Variants in PPP1R12B observed in about 807,000 individuals in gnomAD.
PPP1R12B encodes myosin phosphatase target subunit 2.
A neutral mutation model predicts 126.1 loss-of-function variants in PPP1R12B; 76 were observed. The ratio of observed to expected loss-of-function variants is 0.60; its 90% CI spans 0.50 to 0.73. The LOEUF (loss-of-function observed/expected upper bound fraction) is 0.73, where lower values mean the gene tolerates loss of function less well. Ranked by LOEUF, PPP1R12B falls within the 30% of genes least tolerant of loss-of-function variation. The pLI is 0.00. For synonymous variants in PPP1R12B, 356 were observed against 434.7 expected, an observed-to-expected ratio of 0.82 and a Z score of 2.25; for missense variants, 1,052 against 1,205.1, an observed-to-expected ratio of 0.87 and a Z score of 1.88.
In PPP1R12B at chr1:202,348,707, T is replaced by C; in HGVS notation, c.-145T>C. 1.9e-6 allele frequency: 2 copies of C among 1,053,986 alleles called. No homozygotes were observed. The highest frequency in any genetic ancestry group is 1.3e-6 in the Non-Finnish European group (1 of 744,908). The allele number at this position is 1,053,986 out of a possible 1,614,324, so 65.3% of individuals were successfully genotyped here. On this transcript the variant is annotated 5_prime_UTR_variant, in exon 1 of 24. Transcript: ENST00000608999. ...CGAGGGAGCGTGCGGGCGGTACTAC[T>C]GGCGGGAGGAGTAAAGATGGCGGCG...
At chr1:202,378,929 C>T (rs1278414752) in intron 1 of PPP1R12B, among the ~76,000 whole-genome samples, 1 of 152,154 alleles carries the variant, frequency 6.6e-6, no homozygotes, top group Non-Finnish European at 1.5e-5. Flanking sequence ...CTTCTGCTCA[C>T]GATTCCTCTT....
chr1:202,393,599 G>A (rs1174732311), intron 1 of PPP1R12B, among the ~76,000 whole-genome samples: 1 of 152,012 alleles, frequency 6.6e-6, no homozygotes, highest in Non-Finnish European at 1.5e-5. Flanking sequence ...TGGCTCCTAA[G>A]TTTTATTTCT....
intron 13 of PPP1R12B, among the ~76,000 whole-genome samples, chr1:202,470,797 C>T (rs1423053759): frequency 5.9e-5 from 9 of 151,550 alleles, no homozygotes; most frequent in African/African-American, 1.9e-4. Flanking sequence ...CCCAGCTACT[C>T]AAGTGGCTGA....
intron 13 of PPP1R12B, among the ~76,000 whole-genome samples, chr1:202,455,575 C>T (rs1673525515): frequency 1.3e-5 from 2 of 152,042 alleles, no homozygotes; most frequent in South Asian, 4.1e-4. Context: ...AATAATATTC[C>T]ATCATATAGA....
intron 18 of PPP1R12B, among the ~76,000 whole-genome samples, chr1:202,512,757 T>C (rs1449527553): frequency 2.6e-5 from 4 of 152,132 alleles, no homozygotes; most frequent in Admixed American, 2.6e-4. Flanking sequence ...ATTTTCATTC[T>C]CTAGAATTCT....
chr1:202,476,340 G>A (rs1199927498), intron 13 of PPP1R12B, among the ~76,000 whole-genome samples: 18 of 151,052 alleles, frequency 1.2e-4, no homozygotes, highest in South Asian at 2.1e-4. Flanking sequence ...TATATAGTGT[G>A]TCTTTAATTA....
intron 23 of PPP1R12B, chr1:202,575,361 G>A (rs1038456224): frequency 3.5e-5 from 19 of 538,918 alleles, no homozygotes; most frequent in African/African-American, 2.8e-4. Context: ...CCTCAGCTGG[G>A]CTACCAATAT....
At chr1:202,439,248 A>G in intron 10 of PPP1R12B, 1 of 1,383,678 alleles carries the variant, frequency 7.2e-7, no homozygotes, top group East Asian at 2.3e-5. Context: ...AGACAATATC[A>G]AGGCTGTCCT....
intron 10 of PPP1R12B, among the ~76,000 whole-genome samples, chr1:202,440,184 G>A (rs913368351): frequency 6.6e-6 from 1 of 151,952 alleles, no homozygotes; most frequent in African/African-American, 2.4e-5. Flanking sequence ...GCTTTTCTCT[G>A]GGGTCACATC....
rs1387939633 is a variant in PPP1R12B, at chr1:202,588,319, CTGGGA to C, written c.*7764_*7768del. On this transcript the variant is annotated 3_prime_UTR_variant, in exon 24 of 24. Coordinates refer to ENST00000608999, the MANE Select transcript of PPP1R12B (RefSeq NM_002481.4). ...TAACTTCAGTCCACTGTAAATACAC[CTGGGA>C]TGGGGTGGGGTTGGGGTTGTTTAGG... 1.3e-5 allele frequency: 2 copies of C among 152,450 alleles called. No homozygotes were observed. The highest frequency in any genetic ancestry group is 2.9e-5 in the Non-Finnish European group (2 of 68,014). 9.4% of individuals were successfully genotyped at this position (152,450 alleles called of 1,614,324 possible).
chr1:202,359,188 A>G (rs1388501870), intron 1 of PPP1R12B, among the ~76,000 whole-genome samples: 2 of 151,788 alleles, frequency 1.3e-5, no homozygotes, highest in East Asian at 2.0e-4. Context: ...CTTGTTGCCC[A>G]GGCTGGAGTG....
At chr1:202,473,656 A>G (rs182907335) in intron 13 of PPP1R12B, among the ~76,000 whole-genome samples, 13 of 152,342 alleles carry the variant, frequency 8.5e-5, no homozygotes, top group African/African-American at 3.1e-4. Context: ...CATGCATCTA[A>G]TGGAATGTTA....
rs1687943789 is a variant in PPP1R12B, at chr1:202,565,201, A to G, written c.2757+654A>G. 6.6e-6 allele frequency among the ~76,000 whole-genome samples: 1 copy of G among 152,232 alleles called. No individual in the cohort carries two copies. On this transcript the variant is annotated intron_variant, in intron 21 of 23. Transcript: ENST00000608999. The surrounding 1 kb of genome is among the most constrained non-coding windows in gnomAD (Gnocchi z 4.3). ...TGATGCTTTAGAGGATGCTGGAGGT[A>G]ATAACCTTGTCACCAGTGAAACAAA...
chr1:202,492,510 C>G (rs1459538172), intron 14 of PPP1R12B, among the ~76,000 whole-genome samples: 1 of 152,150 alleles, frequency 6.6e-6, no homozygotes, highest in Non-Finnish European at 1.5e-5. Context: ...GTTTTGTCAT[C>G]ATTTGCCTGT....
At chr1:202,547,667 G>A (rs1448629528) in intron 18 of PPP1R12B, among the ~76,000 whole-genome samples, 6 of 152,134 alleles carry the variant, frequency 3.9e-5, no homozygotes, top group African/African-American at 1.2e-4. Context: ...AATGTTTTGC[G>A]TTGATTTCCA....
At chr1:202,464,388 A>G (rs1198053242) in intron 13 of PPP1R12B, among the ~76,000 whole-genome samples, 5 of 152,188 alleles carry the variant, frequency 3.3e-5, no homozygotes, top group Non-Finnish European at 5.9e-5. Context: ...AAGAACGTCT[A>G]TTGATCTACT....
intron 18 of PPP1R12B, among the ~76,000 whole-genome samples, chr1:202,530,972 A>G (rs1030136290): frequency 2.0e-5 from 3 of 152,212 alleles, no homozygotes; most frequent in African/African-American, 7.2e-5. Context: ...TTTTGTGGTA[A>G]AGTCCCTAAT....
intron 13 of PPP1R12B, among the ~76,000 whole-genome samples, chr1:202,480,814 A>G (rs1249104183): frequency 1.3e-5 from 2 of 152,254 alleles, no homozygotes; most frequent in Non-Finnish European, 2.9e-5. Context: ...TTACAAAATC[A>G]TGCATGACTA....
intron 18 of PPP1R12B, among the ~76,000 whole-genome samples, chr1:202,518,865 C>A (rs1558325112): frequency 6.6e-6 from 1 of 152,152 alleles, no homozygotes; most frequent in Non-Finnish European, 1.5e-5. Flanking sequence ...TCTCTTTTGA[C>A]TGATTGGCTA....
Sources: gnomAD v4.1 joint callset for allele counts (sites outside exome capture counted in the v4.1 genomes callset) on GRCh38, gnomAD v4.1.1 for gene constraint, Gnocchi (gnomAD v3.1) non-coding constraint, MANE v1.5 for transcripts, NCBI Gene and HGNC (gene_info 2026-07-23, HGNC 2026-07-21) for gene names.